Variants in HELZ observed in about 807,000 individuals in gnomAD.
HELZ encodes the protein ATP-dependent RNA helicase with zinc finger domain.
Under a neutral mutation model 218.2 loss-of-function variants are expected in HELZ, and 23 were observed. That is an observed-to-expected ratio of 0.11 (90% CI 0.08 to 0.15). The LOEUF (loss-of-function observed/expected upper bound fraction) is 0.15. Ranked by LOEUF, HELZ falls within the 10% of genes least tolerant of loss-of-function variation. The probability of loss-of-function intolerance (pLI) is 1.00; values close to 1 mark genes in which losing one functional copy is unlikely to be tolerated. For synonymous variants in HELZ, 814 were observed against 829.4 expected (o/e 0.98, Z 0.32); for missense variants, 1,813 against 2,353.7 (o/e 0.77, Z 4.75).
At chr17:67,167,041 T>C (rs1048561838) in intron 14 of HELZ, among the ~76,000 whole-genome samples, 4 of 152,196 alleles carry the variant, frequency 2.6e-5, no homozygotes, top group Non-Finnish European at 2.9e-5. Flanking sequence ...TAAATAATGT[T>C]CACCAAGTTT....
rs1418700443 is a variant in HELZ at position 67,072,766 on chromosome 17, G to C, written c.*5486C>G. Reference sequence around the variant, plus strand: ...CACCAGATTTATAAAAATGTCTCCAGAGATCAGTTTTTTACACTGAGTAAA... The same window carrying C: ...CACCAGATTTATAAAAATGTCTCCACAGATCAGTTTTTTACACTGAGTAAA... On this transcript the variant is annotated 3_prime_UTR_variant, in exon 33 of 33. Coordinates refer to ENST00000358691, the MANE Select transcript of HELZ (RefSeq NM_014877.4). The C allele has an allele frequency of 6.6e-6, 1 of 152,216 alleles. No individual in the cohort carries two copies. The highest frequency in any genetic ancestry group is 6.5e-5 in the Admixed American group (1 of 15,278). 9.4% of individuals were successfully genotyped at this position (152,216 alleles called of 1,614,324 possible).
At chr17:67,136,999 C>T (rs1036553148) in intron 22 of HELZ, among the ~76,000 whole-genome samples, 1 of 152,082 alleles carries the variant, frequency 6.6e-6, no homozygotes, top group Non-Finnish European at 1.5e-5. Flanking sequence ...ACTATTGGAA[C>T]CAACCTTAAA....
chr17:67,109,022 G>GA (rs778207423), intron 29 of HELZ, 94 bp downstream of exon 29: 2 of 1,069,056 alleles, frequency 1.9e-6, no homozygotes, highest in Non-Finnish European at 2.7e-6. Context: ...ATTATTTGAA[G>GA]AAACAATTCA....
At chr17:67,106,456 C>T (rs568885652) in intron 31 of HELZ, among the ~76,000 whole-genome samples, 4 of 151,674 alleles carry the variant, frequency 2.6e-5, no homozygotes, top group South Asian at 2.1e-4. Flanking sequence ...TACAGGCGCC[C>T]GCCACCACGC....
At chr17:67,097,546 C>G (rs944457080) in intron 31 of HELZ, among the ~76,000 whole-genome samples, 3 of 152,146 alleles carry the variant, frequency 2.0e-5, no homozygotes, top group Admixed American at 6.5e-5. Context: ...TATTTTCCTA[C>G]CAAGCAATAT....
intron 5 of HELZ, among the ~76,000 whole-genome samples, chr17:67,213,458 C>T (rs2040509021): frequency 6.6e-6 from 1 of 152,028 alleles, no homozygotes; most frequent in South Asian, 2.1e-4. Flanking sequence ...CCTGTCTCTA[C>T]TAAAAATACA....
chr17:67,212,513 A>C (rs546642051), intron 5 of HELZ, among the ~76,000 whole-genome samples: 1 of 152,022 alleles, frequency 6.6e-6, no homozygotes, highest in Non-Finnish European at 1.5e-5. Flanking sequence ...TTATACAAAA[A>C]TAATGTTACT....
intron 7 of HELZ, among the ~76,000 whole-genome samples, chr17:67,200,346 T>C (rs2040137347): frequency 6.6e-6 from 1 of 152,200 alleles, no homozygotes; most frequent in Non-Finnish European, 1.5e-5. Flanking sequence ...AGTACTTTTT[T>C]GTTCACTATT....
chr17:67,128,900 G>C, intron 23 of HELZ, 45 bp from the exon 24 acceptor site: 2 of 1,371,188 alleles, frequency 1.5e-6, no homozygotes, highest in Non-Finnish European at 2.1e-6. Flanking sequence ...CAATGGATGA[G>C]ATCACAGAAA....
chr17:67,086,687 C>T (rs1045540333), intron 32 of HELZ, 142 bp downstream of exon 32: 7 of 450,886 alleles, frequency 1.6e-5, no homozygotes, highest in Admixed American at 7.0e-5. Context: ...TCCTAAATTG[C>T]ACACCTATGA....
chr17:67,121,245 A>G (rs915306852), intron 26 of HELZ, among the ~76,000 whole-genome samples: 4 of 152,246 alleles, frequency 2.6e-5, no homozygotes, highest in African/African-American at 4.8e-5. Flanking sequence ...AGGAATAAAT[A>G]CAATGACATC....
At chr17:67,083,659 C>G (rs1324993115) in intron 32 of HELZ, among the ~76,000 whole-genome samples, 2 of 152,114 alleles carry the variant, frequency 1.3e-5, no homozygotes, top group Non-Finnish European at 2.9e-5. Context: ...AAACAAAAAA[C>G]ACATCTCTAA....
intron 21 of HELZ, among the ~76,000 whole-genome samples, chr17:67,144,984 T>C (rs1014396749): frequency 6.6e-6 from 1 of 152,150 alleles, no homozygotes; most frequent in South Asian, 2.1e-4. Flanking sequence ...CCATGAGCAA[T>C]GTCTTAACGG....
In HELZ at chr17:67,218,769, T is replaced by G. The variant is rs955619017; in HGVS notation, c.36A>C (p.Gln12His). 1.2e-5 allele frequency: 20 copies of G among 1,614,238 alleles called. No homozygotes were observed. The highest frequency in any genetic ancestry group is 1.6e-5 in the Non-Finnish European group (19 of 1,180,042). The change falls in exon 4 of 33, where the codon CAA becomes CAC. Residue 12 changes from glutamine to histidine, a missense_variant. Gln to His is a conservative substitution (Grantham distance 24). Around this residue, in one of 4 missense-constraint regions of HELZ, gnomAD observed 714 missense variants for 1,029.2 expected, o/e 0.69. Transcript: ENST00000358691. ...CCTGCCTCTTAAGTGATTCACATGCTTGTTCACATGACTTTTCAGCTCTTC... is the reference window on the plus strand; with the variant it reads ...CCTGCCTCTTAAGTGATTCACATGCGTGTTCACATGACTTTTCAGCTCTTC... Reference protein sequence around the residue: ...EDRRAEKSCEQACESLKRQDY... With the variant: ...EDRRAEKSCEHACESLKRQDY...
intron 32 of HELZ, among the ~76,000 whole-genome samples, 198 bp downstream of exon 32, chr17:67,086,631 A>AAAATATATAT (rs1555594208): frequency 1.1e-5 from 1 of 93,318 alleles, no homozygotes; most frequent in Non-Finnish European, 2.0e-5. Flanking sequence ...TATAAATATA[A>AAAATATATAT]ATATATATAT....
chr17:67,117,552 C>CTTT (rs35601947), intron 27 of HELZ, among the ~76,000 whole-genome samples: 1 of 143,050 alleles, frequency 7.0e-6, no homozygotes, highest in Non-Finnish European at 1.5e-5. Context: ...ATACTGAAAA[C>CTTT]TTTTTTTTTT....
At position 67,072,590 on chromosome 17, in the gene HELZ, G is replaced by C. The variant is rs1221911367; in HGVS notation, c.*5662C>G. The C allele has an allele frequency of 1.3e-5, 2 of 152,610 alleles. No individual in the cohort carries two copies. Among genetic ancestry groups the C allele is most frequent in the African/African-American group, 4.8e-5 (2 of 41,416 alleles). 9.5% of individuals were successfully genotyped at this position (152,610 alleles called of 1,614,324 possible). On this transcript the variant is annotated 3_prime_UTR_variant, in exon 33 of 33. Coordinates refer to ENST00000358691, the MANE Select transcript of HELZ (RefSeq NM_014877.4). ...TGTCCAGGCAGCAGCGTACACAAAA[G>C]CAAACTCACCCTAAAACCAAAGAGC...
Position 67,160,989 on chromosome 17 carries a change from C to G in HELZ, c.1983G>C (p.Leu661=). The change falls in exon 16 of 33, where the codon CTG becomes CTC. Residue 661 remains leucine (L), a synonymous_variant. Coordinates refer to ENST00000358691, the MANE Select transcript of HELZ (RefSeq NM_014877.4). ...LAITTPLAIQ[L]PPVLIIGPYG... is the part of the protein sequence containing the mutation. ...AGGGTCCGATGATAAGCACAGGCGG[C>G]AGCTGGATTGCAAGTGGAGTGGTAA... 6.2e-7 allele frequency: 1 copy of G among 1,613,846 alleles called. No homozygotes were observed. Among genetic ancestry groups the G allele is most frequent in the Non-Finnish European group, 8.5e-7 (1 of 1,179,834 alleles).
chr17:67,180,146 A>G (rs990989496), intron 12 of HELZ, among the ~76,000 whole-genome samples: 1 of 152,060 alleles, frequency 6.6e-6, no homozygotes, highest in Non-Finnish European at 1.5e-5. Flanking sequence ...ATAACCATCA[A>G]ATGTAAAGAT....
Sources: allele counts gnomAD v4.1 joint callset (sites outside exome capture counted in the v4.1 genomes callset), GRCh38; gene constraint gnomAD v4.1.1; regional missense constraint gnomAD v4.1.1; transcripts MANE v1.5; gene names NCBI Gene and HGNC (gene_info 2026-07-23, HGNC 2026-07-21).